Variants in PRELID2 observed in about 807,000 individuals in gnomAD.
PRELID2 encodes PRELI domain containing 2.
PRELID2 carries 25 observed loss-of-function variants against 28.4 expected under a neutral mutation model. The observed-to-expected ratio is 0.88, with a 90% CI of 0.64 to 1.23. The LOEUF (loss-of-function observed/expected upper bound fraction) is 1.23. Among genes scored for constraint, PRELID2 ranks in the 50% most tolerant of loss-of-function variants. The pLI is 0.00. For missense variants in PRELID2, 201 were observed against 214.4 expected (o/e 0.94, Z 0.39); for synonymous variants, 76 against 71.6 (o/e 1.06, Z -0.31).
the PRELID2 span, among the ~76,000 whole-genome samples, chr5:145,287,072 A>G: frequency 4.1e-4 from 62 of 152,184 alleles, no homozygotes; most frequent in African/African-American, 1.4e-3. Context: ...CTATTAATAT[A>G]TTTTTTAAAC....
At chr5:145,272,387 G>A in the PRELID2 span, among the ~76,000 whole-genome samples, 5 of 152,074 alleles carry the variant, frequency 3.3e-5, no homozygotes, top group Admixed American at 2.6e-4. Flanking sequence ...CTACAAAAAT[G>A]AAGCAGAATC....
intron 1 of PRELID2, among the ~76,000 whole-genome samples, chr5:145,612,903 C>T (rs1451553075): frequency 6.6e-6 from 1 of 152,194 alleles, no homozygotes; most frequent in East Asian, 1.9e-4. Flanking sequence ...AATTGTGCTG[C>T]TATAAACATG....
chr5:145,261,985 C>T, the PRELID2 span, among the ~76,000 whole-genome samples: 204 of 152,056 alleles, frequency 1.3e-3, no homozygotes, highest in African/African-American at 4.7e-3. Flanking sequence ...GTGAAATAGA[C>T]AGCATAGATA....
the PRELID2 span, among the ~76,000 whole-genome samples, chr5:145,448,019 T>C: frequency 2.0e-5 from 3 of 152,144 alleles, no homozygotes; most frequent in African/African-American, 7.2e-5. Flanking sequence ...ATGGTATTTC[T>C]AGTTCTAGAT....
chr5:145,317,859 G>T, the PRELID2 span, among the ~76,000 whole-genome samples: 28 of 152,144 alleles, frequency 1.8e-4, no homozygotes, highest in Non-Finnish European at 2.8e-4. Flanking sequence ...TGTTTGATGA[G>T]ATTTCTGTGT....
At chr5:145,323,009 G>GAAT in the PRELID2 span, among the ~76,000 whole-genome samples, 1 of 151,976 alleles carries the variant, frequency 6.6e-6, no homozygotes, top group Non-Finnish European at 1.5e-5. Flanking sequence ...ATAAATAAAC[G>GAAT]AATAAATACA....
At chr5:145,431,560 C>T in the PRELID2 span, among the ~76,000 whole-genome samples, 14 of 152,338 alleles carry the variant, frequency 9.2e-5, no homozygotes, top group South Asian at 2.3e-3. Context: ...AGGGACAAAT[C>T]ATGCACCACC....
chr5:145,606,604 A>G (rs552989492), intron 1 of PRELID2, among the ~76,000 whole-genome samples: 1 of 152,290 alleles, frequency 6.6e-6, no homozygotes, highest in East Asian at 1.9e-4. Context: ...CTTGCATGCC[A>G]TGGATAAAAC....
chr5:145,740,930 A>AG (rs1294929037), intron 1 of PRELID2, among the ~76,000 whole-genome samples: 14 of 42,412 alleles, frequency 3.3e-4, no homozygotes, highest in East Asian at 1.1e-3. Context: ...TTATCGATAA[A>AG]TATATATGTA....
At chr5:145,327,386 T>C in the PRELID2 span, among the ~76,000 whole-genome samples, 1 of 152,126 alleles carries the variant, frequency 6.6e-6, no homozygotes, top group Non-Finnish European at 1.5e-5. Flanking sequence ...CTTTTTTCTC[T>C]TGTGACAGTT....
At chr5:145,447,294 T>C in the PRELID2 span, among the ~76,000 whole-genome samples, 2 of 151,850 alleles carry the variant, frequency 1.3e-5, no homozygotes, top group Non-Finnish European at 2.9e-5. Flanking sequence ...TGGTGATAAT[T>C]CACCTGGCTT....
the PRELID2 span, among the ~76,000 whole-genome samples, chr5:145,297,367 C>T: frequency 2.0e-5 from 3 of 151,878 alleles, no homozygotes; most frequent in Non-Finnish European, 4.4e-5. Context: ...AGACAAAAAC[C>T]ACATGATTAT....
chr5:145,294,323 G>C, the PRELID2 span, among the ~76,000 whole-genome samples: 1 of 152,078 alleles, frequency 6.6e-6, no homozygotes, highest in Non-Finnish European at 1.5e-5. Context: ...TCTGAAAGTT[G>C]TCACATATGC....
chr5:145,338,184 C>T, the PRELID2 span: 2 of 152,178 alleles, frequency 1.3e-5, no homozygotes, highest in Non-Finnish European at 2.9e-5. Context: ...TGCTGCTTCA[C>T]TCTTTCATAT....
intron 1 of PRELID2, among the ~76,000 whole-genome samples, chr5:145,533,012 A>G (rs1419478194): frequency 1.3e-5 from 2 of 152,122 alleles, no homozygotes; most frequent in African/African-American, 2.4e-5. Flanking sequence ...TGGTAATTCT[A>G]TATTTAATTG....
the PRELID2 span, among the ~76,000 whole-genome samples, chr5:145,335,223 T>C: frequency 6.6e-6 from 1 of 152,004 alleles, no homozygotes; most frequent in African/African-American, 2.4e-5. Flanking sequence ...TAACAGATTC[T>C]TTCTTTCTTC....
At chr5:145,596,439 G>A (rs17103502) in intron 1 of PRELID2, among the ~76,000 whole-genome samples, 10,847 of 152,012 alleles carry the variant, frequency 0.071, 580 homozygotes, top group Admixed American at 0.18. Context: ...TCTACTAGAC[G>A]AAAAATCAGC....
At chr5:145,533,730 A>G (rs557948016) in intron 1 of PRELID2, among the ~76,000 whole-genome samples, 2 of 152,228 alleles carry the variant, frequency 1.3e-5, no homozygotes, top group East Asian at 1.9e-4. Context: ...TTCAAGTTAC[A>G]TATTATCAAT....
chr5:145,626,279 C>G (rs1195485488), intron 1 of PRELID2, among the ~76,000 whole-genome samples: 10 of 152,074 alleles, frequency 6.6e-5, no homozygotes, highest in Admixed American at 5.9e-4. Flanking sequence ...GCAAATAATG[C>G]TTGTAACAAA....
Sources: gnomAD v4.1 joint callset for allele counts (sites outside exome capture counted in the v4.1 genomes callset) on GRCh38, gnomAD v4.1.1 for gene constraint, MANE v1.5 for transcripts, NCBI Gene and HGNC (gene_info 2026-07-23, HGNC 2026-07-21) for gene names.